The following NLGN4Y variants were observed in gnomAD, a reference collection of about 807,000 sequenced individuals.
The protein encoded by NLGN4Y is neuroligin 4 Y-linked, also known as neuroligin-4, Y-linked.
In NLGN4Y, 4 loss-of-function variants were observed where a neutral mutation model predicts 8.4. The observed-to-expected ratio is 0.48, with a 90% CI of 0.23 to 1.09. The LOEUF (loss-of-function observed/expected upper bound fraction) is 1.09, where lower values mean the gene tolerates loss of function less well. NLGN4Y is among the 50% of genes least tolerant of loss of function. The pLI, the probability that NLGN4Y is intolerant of heterozygous loss-of-function variation, is 0.19. For synonymous variants in NLGN4Y, 35 were observed against 75.6 expected, an observed-to-expected ratio of 0.46 and a Z score of 2.78; for missense variants, 90 against 192.3, an observed-to-expected ratio of 0.47 and a Z score of 3.15.
chrY:14,593,796 C>T (rs1023547571), intron 1 of NLGN4Y, among the ~76,000 whole-genome samples: 60 of 33,309 alleles, frequency 1.8e-3, no homozygotes, highest in Admixed American at 7.4e-3. Flanking sequence ...TGTGACTGGG[C>T]GGGCATTTTT....
intron 4 of NLGN4Y, among the ~76,000 whole-genome samples, chrY:14,732,489 C>T (rs2080976091): frequency 2.9e-5 from 1 of 34,097 alleles, no homozygotes; most frequent in Non-Finnish European, 7.3e-5. Context: ...TTTATTTCCA[C>T]AATGCAGCAA....
intron 2 of NLGN4Y, among the ~76,000 whole-genome samples, chrY:14,704,551 G>A (rs2080869058): frequency 2.1e-4 from 7 of 32,977 alleles, no homozygotes; most frequent in African/African-American, 8.3e-4. Context: ...GTGCTGCTGG[G>A]TTTGGTTTGC....
intron 2 of NLGN4Y, among the ~76,000 whole-genome samples, chrY:14,636,599 G>A (rs2080566132): frequency 3.0e-5 from 1 of 33,247 alleles, no homozygotes; most frequent in African/African-American, 1.2e-4. Context: ...TTTCACCACT[G>A]CACATTCTAC....
chrY:14,558,851 C>A, intron 1 of NLGN4Y, among the ~76,000 whole-genome samples: 1 of 33,147 alleles, frequency 3.0e-5, no homozygotes, highest in African/African-American at 1.2e-4. Context: ...GGGGGTTGAG[C>A]ATGATTTTAT....
intron 4 of NLGN4Y, among the ~76,000 whole-genome samples, chrY:14,813,891 C>T: frequency 9.1e-5 from 3 of 32,857 alleles, no homozygotes; most frequent in Non-Finnish European, 2.2e-4. Context: ...AGCTTCATTT[C>T]AGGGAGAGTA....
At chrY:14,567,803 C>A in intron 1 of NLGN4Y, among the ~76,000 whole-genome samples, 1 of 32,062 alleles carries the variant, frequency 3.1e-5, no homozygotes, top group East Asian at 8.3e-4. Context: ...TTCCCAAGTG[C>A]TGGAAATACA....
chrY:14,805,051 A>T (rs2043052119), intron 4 of NLGN4Y, among the ~76,000 whole-genome samples: 1 of 33,164 alleles, frequency 3.0e-5, no homozygotes, highest in Non-Finnish European at 7.4e-5. Flanking sequence ...TGGGGATTCA[A>T]TGGTTGTTCT....
At chrY:14,731,206 T>G in intron 4 of NLGN4Y, among the ~76,000 whole-genome samples, 2 of 32,078 alleles carry the variant, frequency 6.2e-5, no homozygotes, top group Non-Finnish European at 1.5e-4. Context: ...AGATAATTTT[T>G]GTATTTTTAG....
At chrY:14,597,084 G>A in intron 1 of NLGN4Y, among the ~76,000 whole-genome samples, 1 of 32,021 alleles carries the variant, frequency 3.1e-5, no homozygotes, top group Middle Eastern at 0.014. Context: ...TCCTTCTGGT[G>A]GGTTCGTGGT....
chrY:14,534,229 A>T, intron 1 of NLGN4Y, among the ~76,000 whole-genome samples: 1 of 33,935 alleles, frequency 2.9e-5, no homozygotes, highest in East Asian at 7.7e-4. Context: ...AAAAAAGCTC[A>T]TCATCACTGG....
intron 4 of NLGN4Y, among the ~76,000 whole-genome samples, chrY:14,800,157 C>T (rs2043025255): frequency 3.0e-5 from 1 of 32,896 alleles, no homozygotes; most frequent in African/African-American, 1.2e-4. Context: ...GAGAGCCCCT[C>T]GTGACAGGTG....
At chrY:14,739,418 G>GA (rs2081000207) in intron 4 of NLGN4Y, among the ~76,000 whole-genome samples, 2 of 33,163 alleles carry the variant, frequency 6.0e-5, no homozygotes, top group African/African-American at 2.4e-4. Flanking sequence ...ACAAGGGTAG[G>GA]AAAGAGTTAG....
At chrY:14,570,999 G>A in intron 1 of NLGN4Y, among the ~76,000 whole-genome samples, 1 of 32,936 alleles carries the variant, frequency 3.0e-5, no homozygotes, top group Non-Finnish European at 7.4e-5. Context: ...GTCTATCATT[G>A]TTGGACATTT....
intron 2 of NLGN4Y, among the ~76,000 whole-genome samples, chrY:14,714,279 T>C: frequency 3.0e-5 from 1 of 33,375 alleles, no homozygotes; most frequent in Admixed American, 2.8e-4. Flanking sequence ...AGACATTTAG[T>C]TAGTTGTAAT....
intron 1 of NLGN4Y, among the ~76,000 whole-genome samples, chrY:14,546,945 G>T (rs1603499307): frequency 3.0e-5 from 1 of 33,550 alleles, no homozygotes; most frequent in African/African-American, 1.2e-4. Context: ...TTTTGAGATA[G>T]GTCCCATCAA....
At chrY:14,606,625 A>G in intron 1 of NLGN4Y, among the ~76,000 whole-genome samples, 3 of 33,199 alleles carry the variant, frequency 9.0e-5, no homozygotes, top group African/African-American at 3.5e-4. Context: ...TTATATTATG[A>G]TAGGCTTGAA....
chrY:14,758,149 G>C (rs756276398), intron 4 of NLGN4Y, among the ~76,000 whole-genome samples: 23 of 33,796 alleles, frequency 6.8e-4, no homozygotes, highest in African/African-American at 2.6e-3. Context: ...TATATCTGGT[G>C]ACTGCACTAT....
intron 2 of NLGN4Y, among the ~76,000 whole-genome samples, chrY:14,712,647 C>T: frequency 3.0e-5 from 1 of 33,511 alleles, no homozygotes; most frequent in South Asian, 6.8e-4. Context: ...AGAGTATCCT[C>T]AATTCGTGCA....
chrY:14,568,763 T>C, intron 1 of NLGN4Y, among the ~76,000 whole-genome samples: 1 of 32,809 alleles, frequency 3.0e-5, no homozygotes, highest in Non-Finnish European at 7.5e-5. Context: ...CTTTTAAACA[T>C]ATATATATTT....
Sources: allele counts gnomAD v4.1 joint callset (sites outside exome capture counted in the v4.1 genomes callset), GRCh38; gene constraint gnomAD v4.1.1; transcripts MANE v1.5; gene names NCBI Gene and HGNC (gene_info 2026-07-23, HGNC 2026-07-21).